The following NDST4 variants were observed in gnomAD, a reference collection of about 807,000 sequenced individuals.
NDST4 encodes N-heparan sulfate sulfotransferase 4.
In NDST4, 63 loss-of-function variants were observed where a neutral mutation model predicts 100.8. The ratio of observed to expected loss-of-function variants is 0.62; its 90% CI spans 0.51 to 0.77. The LOEUF is 0.77. Ranked by LOEUF, NDST4 falls within the 30% of genes least tolerant of loss-of-function variation. The pLI is 0.00. For missense variants in NDST4, 943 were observed against 1,018.4 expected, an observed-to-expected ratio of 0.93 and a Z score of 1.01; for synonymous variants, 377 against 361.8, an observed-to-expected ratio of 1.04 and a Z score of -0.48.
intron 7 of NDST4, among the ~76,000 whole-genome samples, chr4:114,858,490 C>T (rs1013322059): frequency 1.3e-5 from 2 of 152,180 alleles, no homozygotes; most frequent in Non-Finnish European, 2.9e-5. Context: ...CTACAAGTTG[C>T]TCGCCTGAGA....
chr4:114,982,923 C>T (rs992803692), intron 2 of NDST4, among the ~76,000 whole-genome samples: 1 of 152,308 alleles, frequency 6.6e-6, no homozygotes, highest in Middle Eastern at 3.4e-3. Context: ...CCAGCCATGG[C>T]TAAAACGGGT....
In NDST4 at chr4:114,998,019, T is replaced by C. The variant is rs117796335; in HGVS notation, c.979-20745A>G. 2.2e-4 allele frequency among the ~76,000 whole-genome samples: 34 copies of C among 152,202 alleles called. No individual in the cohort carries two copies. The East Asian group carries it at 6.6e-3, about 29-fold the overall frequency. On this transcript the variant is annotated intron_variant, in intron 2 of 13. Coordinates refer to ENST00000264363, the MANE Select transcript of NDST4 (RefSeq NM_022569.3). ...ATGTTGTGGTAGTCATCTCTAGGTA[T>C]CCTCCACTGATGACAACTTCTAAGT...
chr4:114,984,605 A>G (rs1346346975), intron 2 of NDST4, among the ~76,000 whole-genome samples: 1 of 152,180 alleles, frequency 6.6e-6, no homozygotes, highest in East Asian at 1.9e-4. Flanking sequence ...TGATATGGGA[A>G]TCAGAAGAGA....
At chr4:114,880,105 A>T (rs945361588) in intron 6 of NDST4, among the ~76,000 whole-genome samples, 1 of 152,196 alleles carries the variant, frequency 6.6e-6, no homozygotes, top group Non-Finnish European at 1.5e-5. Flanking sequence ...GTTCTAACTG[A>T]GAACAGAAGG....
At chr4:114,848,753 A>T (rs1723611507) in intron 8 of NDST4, among the ~76,000 whole-genome samples, 1 of 152,190 alleles carries the variant, frequency 6.6e-6, no homozygotes, top group South Asian at 2.1e-4. Context: ...CAGATGAATG[A>T]AATCAAACTA....
chr4:115,068,492 C>G (rs141299493), intron 2 of NDST4, among the ~76,000 whole-genome samples: 1 of 152,188 alleles, frequency 6.6e-6, no homozygotes, highest in Admixed American at 6.6e-5. Context: ...AAACTATCCT[C>G]AAATTATTCT....
At chr4:115,094,935 C>T (rs73848380) in intron 1 of NDST4, among the ~76,000 whole-genome samples, 5,525 of 152,198 alleles carry the variant, frequency 0.036, 341 homozygotes, top group African/African-American at 0.12. Flanking sequence ...TTAAGGCACT[C>T]AGGTTTTAGT....
intron 3 of NDST4, among the ~76,000 whole-genome samples, chr4:114,974,560 TATA>T (rs1034661625): frequency 7.9e-5 from 12 of 152,144 alleles, no homozygotes; most frequent in African/African-American, 2.4e-4. Flanking sequence ...ATCTGAATAC[TATA>T]ATGTCTCCAT....
At chr4:114,923,321 G>A (rs1725325600) in intron 6 of NDST4, among the ~76,000 whole-genome samples, 1 of 151,914 alleles carries the variant, frequency 6.6e-6, no homozygotes, top group African/African-American at 2.4e-5. Context: ...CATAAAATAG[G>A]AATAAACAAA....
Position 115,076,900 on chromosome 4 carries a change from GTTTCAATAAGTGTCATT to G in NDST4, c.120_136del (p.Glu40AspfsTer9). On this transcript the variant is annotated frameshift_variant, in exon 2 of 14. Coordinates refer to ENST00000264363, the MANE Select transcript of NDST4 (RefSeq NM_022569.3). LOFTEE classifies it high-confidence loss of function. ...GTCAGTGCATTCTGCTTCTGCAGTG[GTTTCAATAAGTGTCATT>G]TCCTGTTTGTAGCCAGAGTAGAGAA... The G allele has an allele frequency of 6.2e-7, 1 of 1,613,732 alleles. No homozygotes were observed. The highest frequency in any genetic ancestry group is 8.5e-7 in the Non-Finnish European group (1 of 1,179,848).
At position 115,018,153 on chromosome 4, in the gene NDST4, T is replaced by C. The variant is rs186652386; in HGVS notation, c.979-40879A>G. 7.7e-3 allele frequency among the ~76,000 whole-genome samples: 1,168 copies of C among 152,052 alleles called. 18 individuals carry two copies. Among genetic ancestry groups the C allele is most frequent in the Middle Eastern group, 0.017 (5 of 294 alleles). On this transcript the variant is annotated intron_variant, in intron 2 of 13. Coordinates refer to ENST00000264363, the MANE Select transcript of NDST4 (RefSeq NM_022569.3). ...AATATTTTAAATTTATAATTATAAATGAAATGAAGCTACTAATAATTTATA... is the reference window on the plus strand; with the variant it reads ...AATATTTTAAATTTATAATTATAAACGAAATGAAGCTACTAATAATTTATA...
chr4:115,091,597 AT>A (rs1177794632), intron 1 of NDST4, among the ~76,000 whole-genome samples: 1 of 152,056 alleles, frequency 6.6e-6, no homozygotes, highest in Non-Finnish European at 1.5e-5. Flanking sequence ...ACCAACTTCT[AT>A]TGTTCATAGT....
At chr4:114,896,345 C>G (rs1370645342) in intron 6 of NDST4, among the ~76,000 whole-genome samples, 1 of 151,882 alleles carries the variant, frequency 6.6e-6, no homozygotes, top group East Asian at 1.9e-4. Context: ...GCTTTTGGGC[C>G]GGGCACGGTG....
chr4:114,943,714 G>A (rs1725801034), intron 4 of NDST4, among the ~76,000 whole-genome samples: 1 of 152,104 alleles, frequency 6.6e-6, no homozygotes, highest in African/African-American at 2.4e-5. Context: ...GAGACTGGTT[G>A]GCTGGATTTG....
intron 3 of NDST4, among the ~76,000 whole-genome samples, chr4:114,970,884 A>T (rs1726499248): frequency 6.6e-6 from 1 of 152,150 alleles, no homozygotes; most frequent in Non-Finnish European, 1.5e-5. Flanking sequence ...ATACCCTAAC[A>T]TATATTTTTT....
chr4:114,914,966 C>G (rs1725139086), intron 6 of NDST4, among the ~76,000 whole-genome samples: 1 of 152,058 alleles, frequency 6.6e-6, no homozygotes, highest in African/African-American at 2.4e-5. Context: ...ATGATTCTTC[C>G]TGTATTACTC....
chr4:115,036,070 T>C lies in NDST4; in HGVS notation c.978+39989A>G, dbSNP rs568736579. On this transcript the variant is annotated intron_variant, in intron 2 of 13. Transcript: ENST00000264363. ...TGAATAATTAGACTGCTTTCTTTGA[T>C]GTTTATTAAAGCATACTTGTTTTAA... 5.9e-5 allele frequency among the ~76,000 whole-genome samples: 9 copies of C among 152,128 alleles called. No homozygotes were observed. The South Asian group carries it at 1.9e-3, about 31-fold the overall frequency.
chr4:114,992,389 A>G (rs1427765305), intron 2 of NDST4, among the ~76,000 whole-genome samples: 2 of 151,810 alleles, frequency 1.3e-5, no homozygotes, highest in African/African-American at 4.8e-5. Context: ...TCTGTTGTTG[A>G]CAGTTTCCAT....
intron 2 of NDST4, among the ~76,000 whole-genome samples, chr4:115,019,568 G>C (rs1353476034): frequency 1.3e-5 from 2 of 152,092 alleles, no homozygotes; most frequent in Non-Finnish European, 2.9e-5. Flanking sequence ...CTAGCCTCCT[G>C]GAGAATGTCA....
Sources: allele counts gnomAD v4.1 joint callset (sites outside exome capture counted in the v4.1 genomes callset), GRCh38; gene constraint gnomAD v4.1.1; transcripts MANE v1.5; gene names NCBI Gene and HGNC (gene_info 2026-07-23, HGNC 2026-07-21).